AGBL1: variants seen among roughly 807,000 people sequenced by gnomAD.
The protein encoded by AGBL1 is AGBL carboxypeptidase 1, also known as cytosolic carboxypeptidase 4.
AGBL1 carries 130 observed loss-of-function variants against 118.9 expected under a neutral mutation model. The ratio of observed to expected loss-of-function variants is 1.09; its 90% CI spans 0.95 to 1.26. The LOEUF (loss-of-function observed/expected upper bound fraction) is 1.26, where lower values mean the gene tolerates loss of function less well. Among genes scored for constraint, AGBL1 ranks in the 50% most tolerant of loss-of-function variants. The pLI is 0.00. For missense variants in AGBL1, 1,584 were observed against 1,298.1 expected (o/e 1.22, Z -3.38); for synonymous variants, 555 against 478.9 (o/e 1.16, Z -2.08).
At chr15:86,684,400 C>A (rs2142578051) in intron 22 of AGBL1, among the ~76,000 whole-genome samples, 1 of 152,082 alleles carries the variant, frequency 6.6e-6, no homozygotes, top group African/African-American at 2.4e-5. Flanking sequence ...TCTATCATGG[C>A]TTTTGCTGTC....
chr15:86,294,818 A>G (rs2079606348), intron 16 of AGBL1, among the ~76,000 whole-genome samples: 1 of 152,212 alleles, frequency 6.6e-6, no homozygotes. Flanking sequence ...TAGATTGAGC[A>G]AAGGTCAAGC....
At chr15:86,131,130 T>C (rs1364960049) in intron 1 of AGBL1, among the ~76,000 whole-genome samples, 1 of 152,204 alleles carries the variant, frequency 6.6e-6, no homozygotes, top group East Asian at 1.9e-4. Context: ...CATGGAGACT[T>C]AGGGCTTCAG....
intron 18 of AGBL1, among the ~76,000 whole-genome samples, chr15:86,467,502 C>T (rs1442252047): frequency 6.6e-6 from 1 of 152,200 alleles, no homozygotes; most frequent in Non-Finnish European, 1.5e-5. Context: ...GCTGGCATTC[C>T]AGGCCCCACT....
chr15:86,210,713 G>A (rs944094474), intron 5 of AGBL1, among the ~76,000 whole-genome samples: 5 of 152,158 alleles, frequency 3.3e-5, no homozygotes, highest in Admixed American at 6.5e-5. Context: ...TTAGCCATTC[G>A]TCTAATCTTT....
chr15:86,106,978 G>C (rs1027843371), intron 1 of AGBL1, among the ~76,000 whole-genome samples: 1 of 152,202 alleles, frequency 6.6e-6, no homozygotes, highest in Non-Finnish European at 1.5e-5. Flanking sequence ...AGGCTGGAGG[G>C]ATTGTTGAAC....
chr15:86,791,124 C>T (rs1033137135), intron 22 of AGBL1, among the ~76,000 whole-genome samples: 1 of 152,166 alleles, frequency 6.6e-6, no homozygotes, highest in Non-Finnish European at 1.5e-5. Flanking sequence ...GGAAAACACA[C>T]GAACGTAAAA....
rs572623820 is a variant in AGBL1 at position 86,753,570 on chromosome 15, G to A, written c.3158+79134G>A. Among the ~76,000 whole-genome samples, 3 of 151,854 alleles carry A rather than the reference G, an allele frequency of 2.0e-5. No individual in the cohort carries two copies. In the East Asian group the frequency reaches 5.8e-4, roughly 30 times the overall value. ...CCACCACCACACCCGGCTAATTTTT[G>A]TATTTTTAGTAGAGACGGGGTTTCA... is the stretch of plus-strand genomic sequence containing the variant. On this transcript the variant is annotated intron_variant, in intron 22 of 22. Coordinates refer to ENST00000614907, the MANE Select transcript of AGBL1 (RefSeq NM_001386094.1).
At chr15:86,420,383 T>A (rs915583561) in intron 18 of AGBL1, among the ~76,000 whole-genome samples, 55 of 151,980 alleles carry the variant, frequency 3.6e-4, no homozygotes, top group Non-Finnish European at 7.4e-5. Flanking sequence ...GGCCTGACTG[T>A]TAGAAGGAAC....
chr15:86,638,230 A>C (rs1347118548), intron 21 of AGBL1, among the ~76,000 whole-genome samples: 1 of 152,212 alleles, frequency 6.6e-6, no homozygotes, highest in Non-Finnish European at 1.5e-5. Context: ...GCAATACAAC[A>C]GTTGGTATCA....
chr15:86,956,000 G>T lies in AGBL1; in HGVS notation c.3222-31987G>T, dbSNP rs1340624799. On this transcript the variant is annotated intron_variant, in intron 23 of 24. Coordinates refer to the AGBL1 transcript ENST00000441037. ...GAAATTAAGTATACATGTGCATGCT[G>T]TATCAAATCTGGGTAAATAGAGCTA... 2.6e-5 allele frequency among the ~76,000 whole-genome samples: 4 copies of T among 152,092 alleles called. No homozygotes were observed. The South Asian group carries it at 8.3e-4, about 31-fold the overall frequency.
intron 18 of AGBL1, among the ~76,000 whole-genome samples, chr15:86,506,671 A>G (rs550984612): frequency 4.6e-4 from 70 of 152,232 alleles, no homozygotes; most frequent in African/African-American, 1.6e-3. Flanking sequence ...ATGTAAATTC[A>G]GAACCGATGA....
intron 18 of AGBL1, among the ~76,000 whole-genome samples, chr15:86,417,756 G>C (rs1257389784): frequency 6.6e-6 from 1 of 152,158 alleles, no homozygotes; most frequent in Non-Finnish European, 1.5e-5. Context: ...GTCTACATGA[G>C]AGACTGGCAT....
chr15:86,196,708 C>A (rs957727637), intron 5 of AGBL1, among the ~76,000 whole-genome samples: 6 of 151,998 alleles, frequency 3.9e-5, no homozygotes, highest in Non-Finnish European at 8.8e-5. Flanking sequence ...GCCCTAACCC[C>A]CAATGTTACT....
At chr15:86,666,896 G>A (rs1057261996) in intron 21 of AGBL1, among the ~76,000 whole-genome samples, 1 of 152,124 alleles carries the variant, frequency 6.6e-6, no homozygotes, top group East Asian at 1.9e-4. Flanking sequence ...TGTAACCCCA[G>A]CAATATGGGT....
At chr15:86,963,726 G>C (rs1180546171) in intron 23 of AGBL1, among the ~76,000 whole-genome samples, 2 of 151,876 alleles carry the variant, frequency 1.3e-5, no homozygotes, top group Admixed American at 6.6e-5. Context: ...AAGTCTCTGT[G>C]TTAGTCCTTT....
At chr15:86,121,597 T>C (rs902236703) in intron 1 of AGBL1, among the ~76,000 whole-genome samples, 3 of 152,192 alleles carry the variant, frequency 2.0e-5, no homozygotes, top group Non-Finnish European at 4.4e-5. Flanking sequence ...TACTCGACAA[T>C]AGTCATATTA....
intron 22 of AGBL1, among the ~76,000 whole-genome samples, chr15:86,852,077 C>T (rs553846223): frequency 6.6e-6 from 1 of 152,196 alleles, no homozygotes; most frequent in South Asian, 2.1e-4. Context: ...ATTCACACTG[C>T]TATAAATATA....
chr15:86,253,560 G>A (rs994395911), intron 7 of AGBL1, among the ~76,000 whole-genome samples: 1 of 152,022 alleles, frequency 6.6e-6, no homozygotes, highest in African/African-American at 2.4e-5. Context: ...CCATCAACTT[G>A]TAAGGAGGCA....
chr15:86,181,955 A>G (rs759820409), intron 5 of AGBL1, among the ~76,000 whole-genome samples: 1 of 152,142 alleles, frequency 6.6e-6, no homozygotes, highest in Non-Finnish European at 1.5e-5. Context: ...TAATTAGATC[A>G]TGCATTCATT....
Sources: allele counts gnomAD v4.1 joint callset (sites outside exome capture counted in the v4.1 genomes callset), GRCh38; gene constraint gnomAD v4.1.1; transcripts MANE v1.5; gene names NCBI Gene and HGNC (gene_info 2026-07-23, HGNC 2026-07-21).